EPHA5: variants seen among roughly 807,000 people sequenced by gnomAD.
EPHA5 encodes ephrin type-A receptor 5.
A neutral mutation model predicts 105.0 loss-of-function variants in EPHA5; 60 were observed. The ratio of observed to expected loss-of-function variants is 0.57; its 90% confidence interval spans 0.46 to 0.71. The LOEUF is 0.71. Among genes scored for constraint, EPHA5 ranks in the 30% least tolerant of loss-of-function variants. The pLI is 0.00. For synonymous variants in EPHA5, 513 were observed against 449.1 expected, an observed-to-expected ratio of 1.14 and a Z score of -1.80; for missense variants, 1,218 against 1,274.7, an observed-to-expected ratio of 0.96 and a Z score of 0.68.
In EPHA5 at chr4:65,602,321, A is replaced by C; in HGVS notation, c.247-17T>G. On this transcript the variant is annotated splice_polypyrimidine_tract_variant and intron_variant, in intron 2 of 16. Coordinates refer to ENST00000613740, the MANE Select transcript of EPHA5 (RefSeq NM_001281766.3). Reference sequence around the variant, plus strand: ...CTCTTCCCACTGTACAATATAAAATAGAAAGATAAAAAAAATTCAAAAAAT... The same window carrying C: ...CTCTTCCCACTGTACAATATAAAATCGAAAGATAAAAAAAATTCAAAAAAT... 4.3e-6 allele frequency: 6 copies of C among 1,396,122 alleles called. No individual in the cohort carries two copies. Among genetic ancestry groups the C allele is most frequent in the Non-Finnish European group, 5.6e-6 (6 of 1,078,494 alleles). 86.5% of individuals were successfully genotyped at this position (1,396,122 alleles called of 1,614,324 possible). A position where few individuals can be genotyped will look rare whatever the true frequency, so the allele number is the denominator to read the frequency against.
chr4:65,411,832 A>C (rs1477752941), intron 7 of EPHA5, among the ~76,000 whole-genome samples: 1 of 152,226 alleles, frequency 6.6e-6, no homozygotes, highest in Non-Finnish European at 1.5e-5. Flanking sequence ...GCCTTGAGAA[A>C]GAAGGGATTA....
intron 3 of EPHA5, among the ~76,000 whole-genome samples, chr4:65,537,801 T>C (rs1322665523): frequency 1.3e-5 from 2 of 151,772 alleles, no homozygotes; most frequent in Non-Finnish European, 3.0e-5. Flanking sequence ...ATCAATTTCA[T>C]GTCTTAAGGA....
chr4:65,503,477 T>A (rs535558077), intron 3 of EPHA5, among the ~76,000 whole-genome samples: 103 of 151,852 alleles, frequency 6.8e-4, no homozygotes, highest in African/African-American at 2.4e-3. Context: ...TTTAAATGAT[T>A]GAAAACAATA....
intron 3 of EPHA5, among the ~76,000 whole-genome samples, chr4:65,538,353 A>C (rs1010351555): frequency 6.6e-6 from 1 of 151,798 alleles, no homozygotes; most frequent in Admixed American, 6.6e-5. Flanking sequence ...TCAAAAATTG[A>C]TTATGTTAAA....
chr4:65,631,003 C>A (rs905805586), intron 2 of EPHA5, among the ~76,000 whole-genome samples: 10 of 152,068 alleles, frequency 6.6e-5, no homozygotes, highest in African/African-American at 2.4e-4. Flanking sequence ...AAAAGCGGAA[C>A]AACACTTAAG....
chr4:65,513,493 T>C (rs974041979), intron 3 of EPHA5, among the ~76,000 whole-genome samples: 3 of 152,012 alleles, frequency 2.0e-5, no homozygotes, highest in African/African-American at 2.4e-5. Flanking sequence ...TTCAAGCAAC[T>C]CTCCTGCCTC....
At chr4:65,638,694 G>A (rs754879133) in intron 2 of EPHA5, among the ~76,000 whole-genome samples, 13 of 152,146 alleles carry the variant, frequency 8.5e-5, no homozygotes, top group Non-Finnish European at 1.5e-4. Context: ...AGTTGAGATC[G>A]TGCCATTGCA....
intron 8 of EPHA5, among the ~76,000 whole-genome samples, chr4:65,392,314 T>G (rs1720795964): frequency 6.6e-6 from 1 of 152,166 alleles, no homozygotes; most frequent in Admixed American, 6.6e-5. Context: ...CATCTATTGC[T>G]AACTCATAAG....
intron 8 of EPHA5, among the ~76,000 whole-genome samples, chr4:65,378,944 G>T (rs1327333162): frequency 6.6e-6 from 1 of 151,760 alleles, no homozygotes; most frequent in Non-Finnish European, 1.5e-5. Context: ...ATTTCAAACA[G>T]CAGTTTCAAC....
chr4:65,330,877 T>G, intron 16 of EPHA5: 1 of 1,035,202 alleles, frequency 9.7e-7, no homozygotes, highest in Non-Finnish European at 1.2e-6. Context: ...GCAAGCTGAG[T>G]GGTTGGTTTC....
intron 8 of EPHA5, among the ~76,000 whole-genome samples, chr4:65,378,645 G>A (rs1210356530): frequency 6.6e-6 from 1 of 151,886 alleles, no homozygotes; most frequent in African/African-American, 2.4e-5. Context: ...TGGCAGAGTT[G>A]AGGAGTTGGG....
chr4:65,573,586 G>C, intron 3 of EPHA5: 6 of 1,598,630 alleles, frequency 3.8e-6, no homozygotes, highest in Non-Finnish European at 5.1e-6. Flanking sequence ...GGGAAGCCCC[G>C]TTGCAGCCGC....
intron 5 of EPHA5, among the ~76,000 whole-genome samples, chr4:65,457,451 G>A (rs1270021288): frequency 6.6e-6 from 1 of 152,092 alleles, no homozygotes; most frequent in Non-Finnish European, 1.5e-5. Flanking sequence ...CATTAAATAA[G>A]TAATTCCTTT....
chr4:65,573,770 C>T, intron 3 of EPHA5: 1 of 1,612,808 alleles, frequency 6.2e-7, no homozygotes, highest in Non-Finnish European at 8.5e-7. Flanking sequence ...ACGGCGGTAC[C>T]CGGGTGGTTA....
intron 3 of EPHA5, 118 bp downstream of exon 3, chr4:65,601,523 A>G (rs1560756490): frequency 1.9e-6 from 2 of 1,031,278 alleles, no homozygotes; most frequent in South Asian, 3.6e-5. Flanking sequence ...ACTTGAGAGA[A>G]ATAATCTCCA....
chr4:65,503,429 T>C (rs1035587290), intron 3 of EPHA5, among the ~76,000 whole-genome samples: 9 of 151,826 alleles, frequency 5.9e-5, no homozygotes, highest in Non-Finnish European at 7.4e-5. Context: ...TAGGTCCTAC[T>C]TGAGAATCTA....
At chr4:65,524,256 G>T (rs1735028227) in intron 3 of EPHA5, among the ~76,000 whole-genome samples, 1 of 151,728 alleles carries the variant, frequency 6.6e-6, no homozygotes, top group East Asian at 1.9e-4. Context: ...GGGAGAATAA[G>T]TCTATAGACA....
chr4:65,489,483 TGA>T (rs1468433374), intron 5 of EPHA5, among the ~76,000 whole-genome samples: 1 of 152,228 alleles, frequency 6.6e-6, no homozygotes, highest in Non-Finnish European at 1.5e-5. Context: ...CACTTTGGAC[TGA>T]GAGTTGTAGT....
rs2149019923 is a variant in EPHA5 at position 65,414,392 on chromosome 4, C to A, written c.1579G>T (p.Ala527Ser). ...IIKSKETTIT[A>S]EGLKPASVYV... ...ACTGAAGCTGGTTTCAAGCCCTCTGCAGTAATAGTTGTCTCTTTAGATTTG... is the reference window on the plus strand; with the variant it reads ...ACTGAAGCTGGTTTCAAGCCCTCTGAAGTAATAGTTGTCTCTTTAGATTTG... The change falls in exon 7 of 17, where the codon GCA becomes TCA. Residue 527 changes from alanine (A) to serine (S), a missense_variant. This residue lies in a region of EPHA5 where 971 missense variants were observed against 1,013.5 expected (regional missense o/e 0.96). Coordinates refer to ENST00000613740, the MANE Select transcript of EPHA5 (RefSeq NM_001281766.3). The A allele has an allele frequency of 6.2e-7, 1 of 1,613,968 alleles. No individual in the cohort carries two copies. Among genetic ancestry groups the A allele is most frequent in the Non-Finnish European group, 8.5e-7 (1 of 1,179,886 alleles).
Sources: gnomAD v4.1 joint callset for allele counts (sites outside exome capture counted in the v4.1 genomes callset) on GRCh38, gnomAD v4.1.1 for gene constraint, gnomAD v4.1.1 regional missense constraint, MANE v1.5 for transcripts, NCBI Gene and HGNC (gene_info 2026-07-23, HGNC 2026-07-21) for gene names.